The following CAMK1D variants were observed in gnomAD, a reference collection of about 807,000 sequenced individuals.
CAMK1D encodes the protein calcium/calmodulin-dependent protein kinase type 1D.
CAMK1D carries 9 observed loss-of-function variants against 47.7 expected under a neutral mutation model. The ratio of observed to expected loss-of-function variants is 0.19; its 90% CI spans 0.11 to 0.33. The LOEUF (loss-of-function observed/expected upper bound fraction) is 0.33, where lower values mean the gene tolerates loss of function less well. CAMK1D is among the 10% of genes least tolerant of loss of function. The probability of loss-of-function intolerance (pLI) is 1.00; values close to 1 mark genes in which losing one functional copy is unlikely to be tolerated. For synonymous variants in CAMK1D, 184 were observed against 184.9 expected (o/e 0.99, Z 0.04); for missense variants, 291 against 488.7 (o/e 0.60, Z 3.81).
chr10:12,581,974 C>T (rs984228824), intron 2 of CAMK1D, among the ~76,000 whole-genome samples: 5 of 152,112 alleles, frequency 3.3e-5, no homozygotes, highest in South Asian at 4.1e-4. Context: ...AAGCCAATGT[C>T]TAGAGGGGTT....
intron 1 of CAMK1D, among the ~76,000 whole-genome samples, chr10:12,441,083 C>CCCTT: frequency 6.6e-6 from 1 of 152,338 alleles, no homozygotes; most frequent in East Asian, 1.9e-4. Flanking sequence ...TTAAATGATA[C>CCCTT]CCTTTCGTCC....
At chr10:12,492,286 T>C (rs969029726) in intron 1 of CAMK1D, among the ~76,000 whole-genome samples, 1 of 145,782 alleles carries the variant, frequency 6.9e-6, no homozygotes, top group Non-Finnish European at 1.5e-5. Context: ...ATTGCCGCCA[T>C]GGACAGAGAA....
chr10:12,480,615 T>TG (rs1295575560), intron 1 of CAMK1D, among the ~76,000 whole-genome samples: 1 of 151,968 alleles, frequency 6.6e-6, no homozygotes, highest in Non-Finnish European at 1.5e-5. Context: ...CCTCGTGGGG[T>TG]GGGTTCTCTT....
At chr10:12,355,932 TG>T (rs1837499448) in intron 1 of CAMK1D, among the ~76,000 whole-genome samples, 1 of 151,952 alleles carries the variant, frequency 6.6e-6, no homozygotes, top group Admixed American at 6.6e-5. Flanking sequence ...AGGGGATGTG[TG>T]GGGTGGGGTG....
chr10:12,487,898 TAG>T (rs1834263982), intron 1 of CAMK1D, among the ~76,000 whole-genome samples: 1 of 152,220 alleles, frequency 6.6e-6, no homozygotes, highest in Admixed American at 6.5e-5. Flanking sequence ...GCTTGTTAAA[TAG>T]ACATGGGTTC....
chr10:12,449,444 A>C (rs991153657), intron 1 of CAMK1D, among the ~76,000 whole-genome samples: 1 of 152,156 alleles, frequency 6.6e-6, no homozygotes, highest in African/African-American at 2.4e-5. Context: ...TGTTTAAAAA[A>C]AAAAAAAGTG....
intron 1 of CAMK1D, among the ~76,000 whole-genome samples, chr10:12,509,002 G>A (rs1221202878): frequency 1.3e-5 from 2 of 152,232 alleles, no homozygotes; most frequent in South Asian, 2.1e-4. Context: ...TGAGGACTGG[G>A]CTGGAGTTCT....
At chr10:12,449,289 G>A (rs73569427) in intron 1 of CAMK1D, among the ~76,000 whole-genome samples, 550 of 152,248 alleles carry the variant, frequency 3.6e-3, no homozygotes, top group African/African-American at 0.012. Context: ...CAGGGTCCGT[G>A]TGGCTGTGTG....
At chr10:12,382,429 C>T (rs1189099676) in intron 1 of CAMK1D, among the ~76,000 whole-genome samples, 1 of 151,790 alleles carries the variant, frequency 6.6e-6, no homozygotes, top group Non-Finnish European at 1.5e-5. Context: ...TACATAGGAT[C>T]TTTCATATGA....
intron 1 of CAMK1D, among the ~76,000 whole-genome samples, chr10:12,434,915 A>G (rs1185562882): frequency 6.6e-6 from 1 of 152,084 alleles, no homozygotes; most frequent in Non-Finnish European, 1.5e-5. Context: ...GCAGCCCAGG[A>G]GGAATCAGGA....
intron 3 of CAMK1D, among the ~76,000 whole-genome samples, chr10:12,686,506 T>G (rs1832671115): frequency 6.6e-6 from 1 of 152,036 alleles, no homozygotes; most frequent in African/African-American, 2.4e-5. Flanking sequence ...TTATTTTTAG[T>G]AGAGACAGGG....
At chr10:12,729,990 G>A (rs1040247068) in intron 3 of CAMK1D, among the ~76,000 whole-genome samples, 1 of 152,178 alleles carries the variant, frequency 6.6e-6, no homozygotes, top group Non-Finnish European at 1.5e-5. Flanking sequence ...CTCTGAGGAG[G>A]ATGCAGAGCC....
chr10:12,694,107 T>A (rs1295055532), intron 3 of CAMK1D, among the ~76,000 whole-genome samples: 2 of 41,826 alleles, frequency 4.8e-5, no homozygotes, highest in Non-Finnish European at 4.2e-5. Flanking sequence ...ATATAATATA[T>A]AATATATATT....
At chr10:12,813,210 A>G (rs1263952733) in intron 6 of CAMK1D, among the ~76,000 whole-genome samples, 1 of 152,200 alleles carries the variant, frequency 6.6e-6, no homozygotes, top group Non-Finnish European at 1.5e-5. Context: ...TAGGCTTACA[A>G]CGTCTGTCAG....
At chr10:12,360,786 C>G (rs570320164) in intron 1 of CAMK1D, among the ~76,000 whole-genome samples, 18 of 152,266 alleles carry the variant, frequency 1.2e-4, no homozygotes, top group Admixed American at 1.2e-3. Flanking sequence ...CAACCTACAT[C>G]AACTATTGCC....
At chr10:12,437,017 GT>G in intron 1 of CAMK1D, among the ~76,000 whole-genome samples, 1 of 152,236 alleles carries the variant, frequency 6.6e-6, no homozygotes, top group South Asian at 2.1e-4. Flanking sequence ...TTCCTGGGGG[GT>G]GGGCACACAG....
chr10:12,760,668 T>A, intron 3 of CAMK1D: 1 of 282,710 alleles, frequency 3.5e-6, no homozygotes, highest in Admixed American at 4.5e-5. Context: ...AAACTTTACA[T>A]CATCACAGCA....
At chr10:12,641,856 C>G (rs372505292) in intron 2 of CAMK1D, among the ~76,000 whole-genome samples, 1 of 151,216 alleles carries the variant, frequency 6.6e-6, no homozygotes, top group African/African-American at 2.4e-5. Flanking sequence ...ACCAACCTGG[C>G]CAACATGGTG....
intron 1 of CAMK1D, among the ~76,000 whole-genome samples, chr10:12,502,706 G>A (rs1450278149): frequency 2.0e-5 from 3 of 152,196 alleles, no homozygotes; most frequent in African/African-American, 7.2e-5. Flanking sequence ...GTATAAGGCT[G>A]GTCAGCCTGC....
Sources: allele counts gnomAD v4.1 joint callset (sites outside exome capture counted in the v4.1 genomes callset), GRCh38; gene constraint gnomAD v4.1.1; transcripts MANE v1.5; gene names NCBI Gene and HGNC (gene_info 2026-07-23, HGNC 2026-07-21).